SDK1: variants seen among roughly 807,000 people sequenced by gnomAD.
The protein encoded by SDK1 is sidekick cell adhesion molecule 1.
Under a neutral mutation model 245.5 loss-of-function variants are expected in SDK1, and 157 were observed. The observed-to-expected ratio is 0.64, with a 90% CI of 0.56 to 0.73. The LOEUF (loss-of-function observed/expected upper bound fraction) is 0.73, where lower values mean the gene tolerates loss of function less well. Among genes scored for constraint, SDK1 ranks in the 30% least tolerant of loss-of-function variants. The pLI is 0.00. For synonymous variants in SDK1, 1,647 were observed against 1,278.5 expected, an observed-to-expected ratio of 1.29 and a Z score of -6.15; for missense variants, 3,583 against 3,002.3, an observed-to-expected ratio of 1.19 and a Z score of -4.52.
chr7:3,900,858 T>C (rs776813990), intron 5 of SDK1, among the ~76,000 whole-genome samples: 4 of 152,146 alleles, frequency 2.6e-5, no homozygotes, highest in Non-Finnish European at 4.4e-5. Context: ...ATAACCACCA[T>C]AAAATCATTG....
At chr7:3,657,100 G>A (rs531512712) in intron 4 of SDK1, among the ~76,000 whole-genome samples, 1 of 152,154 alleles carries the variant, frequency 6.6e-6, no homozygotes, top group African/African-American at 2.4e-5. Flanking sequence ...AGGAGGAGGG[G>A]GAAAGCTGCC....
At chr7:3,450,828 T>C (rs1780491893) in intron 1 of SDK1, among the ~76,000 whole-genome samples, 1 of 151,794 alleles carries the variant, frequency 6.6e-6, no homozygotes, top group Non-Finnish European at 1.5e-5. Context: ...GGGATGAAGA[T>C]GGAGACATCT....
intron 5 of SDK1, among the ~76,000 whole-genome samples, chr7:3,836,902 C>T (rs899801333): frequency 4.6e-5 from 7 of 152,118 alleles, no homozygotes; most frequent in South Asian, 2.1e-4. Flanking sequence ...CTCGTTGGGG[C>T]CTCCCTTCCT....
At chr7:3,572,433 G>C (rs139527981) in intron 1 of SDK1, among the ~76,000 whole-genome samples, 1 of 151,954 alleles carries the variant, frequency 6.6e-6, no homozygotes, top group South Asian at 2.1e-4. Flanking sequence ...CCTAGGCTTG[G>C]CGTAGGCATC....
intron 1 of SDK1, 60 bp downstream of exon 1, chr7:3,301,944 T>C: frequency 5.6e-6 from 6 of 1,073,778 alleles, no homozygotes; most frequent in Non-Finnish European, 6.8e-6. Flanking sequence ...GGCGCGAACT[T>C]GAGCAGCGAG....
chr7:3,444,410 C>T (rs1018730130), intron 1 of SDK1, among the ~76,000 whole-genome samples: 1 of 152,072 alleles, frequency 6.6e-6, no homozygotes, highest in African/African-American at 2.4e-5. Context: ...TTTTGTATTT[C>T]TGTGTTTAGG....
chr7:3,627,257 A>T (rs958323770), intron 2 of SDK1, among the ~76,000 whole-genome samples: 1 of 152,120 alleles, frequency 6.6e-6, no homozygotes, highest in African/African-American at 2.4e-5. Context: ...TCCGAATCCT[A>T]TTATCCTATT....
intron 5 of SDK1, among the ~76,000 whole-genome samples, chr7:3,891,355 A>G (rs1465541665): frequency 7.9e-5 from 12 of 152,048 alleles, no homozygotes; most frequent in Admixed American, 5.2e-4. Context: ...CTCCATGGCT[A>G]CCTCTGAGGA....
At chr7:3,434,994 A>G (rs1049427593) in intron 1 of SDK1, among the ~76,000 whole-genome samples, 1 of 152,196 alleles carries the variant, frequency 6.6e-6, no homozygotes, top group East Asian at 1.9e-4. Context: ...TACTTTTCCT[A>G]ACTGTCAAAT....
chr7:3,839,465 G>A (rs1381839225), intron 5 of SDK1, among the ~76,000 whole-genome samples: 2 of 152,126 alleles, frequency 1.3e-5, no homozygotes, highest in Non-Finnish European at 2.9e-5. Context: ...GTGACGATGG[G>A]CATAACAGAA....
In SDK1 at chr7:4,048,947, A is replaced by G. The variant is rs552223269; in HGVS notation, c.2603-401A>G. Among the ~76,000 whole-genome samples, 280 of 152,272 alleles carry G rather than the reference A, an allele frequency of 1.8e-3. 4 individuals are homozygous for G. In the Middle Eastern group the frequency reaches 0.031, roughly 17 times the overall value. On this transcript the variant is annotated intron_variant, in intron 17 of 44. Transcript: ENST00000404826. ...CACCCCCCGCCTCAATGTAATGAAC[A>G]ATTTAGCTTGAAACATAGTGGTATA...
chr7:3,363,417 C>A (rs4588750), intron 1 of SDK1, among the ~76,000 whole-genome samples: 25,712 of 151,768 alleles, frequency 0.17, 2,270 homozygotes, highest in Middle Eastern at 0.22. Flanking sequence ...CAAATAAAGT[C>A]GCTATAAACA....
intron 1 of SDK1, among the ~76,000 whole-genome samples, chr7:3,370,440 AAG>A (rs1781193917): frequency 1.3e-5 from 2 of 152,228 alleles, no homozygotes; most frequent in Non-Finnish European, 2.9e-5. Context: ...CTTTTATAAA[AAG>A]CATTAAATGC....
chr7:4,162,440 A>C (rs1307627615), intron 32 of SDK1, among the ~76,000 whole-genome samples: 1 of 150,730 alleles, frequency 6.6e-6, no homozygotes, highest in Non-Finnish European at 1.5e-5. Flanking sequence ...TCACTCTGTC[A>C]CCAGGCTGGA....
intron 4 of SDK1, among the ~76,000 whole-genome samples, chr7:3,644,290 T>G (rs542102088): frequency 6.6e-6 from 1 of 150,814 alleles, no homozygotes; most frequent in South Asian, 2.1e-4. Flanking sequence ...TTTAAAATTC[T>G]AGTAAAAATA....
rs28367232 is a variant in SDK1, at chr7:3,566,493, G to A, written c.299-52587G>A. On this transcript the variant is annotated intron_variant, in intron 1 of 44. Transcript: ENST00000404826. ...GCCTGCCTCGGCCTCCCAAAGTGCT[G>A]GGATTACAGGCGTGAGCCACCACGC... Among the ~76,000 whole-genome samples the A allele has an allele frequency of 2.1e-3, 312 of 152,076 alleles. 4 individuals carry two copies. Among genetic ancestry groups the A allele is most frequent in the African/African-American group, 7.3e-3 (301 of 41,488 alleles).
At chr7:4,057,882 C>T (rs1312831185) in intron 19 of SDK1, among the ~76,000 whole-genome samples, 1 of 152,156 alleles carries the variant, frequency 6.6e-6, no homozygotes, top group East Asian at 1.9e-4. Flanking sequence ...CAATCAACAC[C>T]ATAGATACAT....
At chr7:3,859,823 C>A (rs1780645217) in intron 5 of SDK1, among the ~76,000 whole-genome samples, 1 of 152,124 alleles carries the variant, frequency 6.6e-6, no homozygotes, top group African/African-American at 2.4e-5. Flanking sequence ...GAAACATATA[C>A]ATGCAAAATA....
intron 1 of SDK1, among the ~76,000 whole-genome samples, chr7:3,490,969 A>C (rs749332072): frequency 6.6e-6 from 1 of 152,324 alleles, no homozygotes; most frequent in African/African-American, 2.4e-5. Flanking sequence ...CCCAATTGCA[A>C]TGGTGATACA....
Sources: gnomAD v4.1 joint callset for allele counts (sites outside exome capture counted in the v4.1 genomes callset) on GRCh38, gnomAD v4.1.1 for gene constraint, MANE v1.5 for transcripts, NCBI Gene and HGNC (gene_info 2026-07-23, HGNC 2026-07-21) for gene names.